Variants in RNF10 observed in about 807,000 individuals in gnomAD.
RNF10 encodes the protein ring finger protein 10, also known as E3 ubiquitin-protein ligase RNF10.
In RNF10, 38 loss-of-function variants were observed where a neutral mutation model predicts 91.4. The ratio of observed to expected loss-of-function variants is 0.42; its 90% confidence interval spans 0.32 to 0.54. The LOEUF is 0.54. Ranked by LOEUF, RNF10 falls within the 20% of genes least tolerant of loss-of-function variation. RNF10 has a pLI of 0.16. For missense variants in RNF10, 945 were observed against 1,012.0 expected, an observed-to-expected ratio of 0.93 and a Z score of 0.90; for synonymous variants, 364 against 366.3, an observed-to-expected ratio of 0.99 and a Z score of 0.07.
chr12:120,546,315 C>T, intron 1 of RNF10, 90 bp from the exon 2 acceptor site: 3 of 1,209,554 alleles, frequency 2.5e-6, no homozygotes, highest in Non-Finnish European at 3.5e-6. Flanking sequence ...AGGGCCTATT[C>T]ACCCTTATTT....
In RNF10 at chr12:120,534,815, C is replaced by T. The variant is rs1259628461; in HGVS notation, c.4C>T (p.Pro2Ser). Residue 2 changes from proline (P) to serine (S), a missense_variant, in exon 1 of 17, where the codon CCG (proline) becomes TCG (serine). Coordinates refer to ENST00000325954, the MANE Select transcript of RNF10 (RefSeq NM_014868.5). M[P>S]LSSPNAAATA... ...GTCGCCGCCGAGGCCCCCGTTGATG[C>T]CGCTGAGCTCCCCCAACGCCGCCGC... The T allele has an allele frequency of 1.9e-6, 3 of 1,578,200 alleles. No individual in the cohort carries two copies. The highest frequency in any genetic ancestry group is 1.8e-5 in the Admixed American group (1 of 55,140).
chr12:120,572,017 CG>C (rs1204643093), intron 14 of RNF10, among the ~76,000 whole-genome samples: 1 of 150,652 alleles, frequency 6.6e-6, no homozygotes, highest in Non-Finnish European at 1.5e-5. Context: ...GTAAGAAGTC[CG>C]TATAAACTTC....
At chr12:120,538,426 T>G (rs1173293295) in intron 1 of RNF10, among the ~76,000 whole-genome samples, 1 of 152,166 alleles carries the variant, frequency 6.6e-6, no homozygotes, top group African/African-American at 2.4e-5. Context: ...GCTACCAGGA[T>G]TTTCTTGATC....
chr12:120,561,287 T>TA (rs1192864585), intron 7 of RNF10, among the ~76,000 whole-genome samples: 1 of 152,220 alleles, frequency 6.6e-6, no homozygotes, highest in Non-Finnish European at 1.5e-5. Context: ...GAGAAAGTAT[T>TA]ATGGCCTGCC....
intron 14 of RNF10, chr12:120,575,076 T>TA (rs56774004): frequency 0.11 from 16,793 of 151,834 alleles, 957 homozygotes; most frequent in African/African-American, 0.12. Flanking sequence ...CCGTCTCTAC[T>TA]AAAAAAAAAA....
At chr12:120,575,291 A>AG (rs959479582) in intron 14 of RNF10, 1 of 277,674 alleles carries the variant, frequency 3.6e-6, no homozygotes, top group African/African-American at 2.2e-5. Context: ...CGATGTTTTT[A>AG]GGGGTCCCAG....
intron 1 of RNF10, among the ~76,000 whole-genome samples, chr12:120,542,829 A>G (rs556925002): frequency 2.6e-5 from 4 of 152,232 alleles, no homozygotes; most frequent in Non-Finnish European, 5.9e-5. Flanking sequence ...CTGGGATTAC[A>G]GGGAGCCACC....
At chr12:120,551,397 C>T (rs952229282) in intron 2 of RNF10, among the ~76,000 whole-genome samples, 13 of 139,354 alleles carry the variant, frequency 9.3e-5, no homozygotes, top group South Asian at 2.4e-4. Flanking sequence ...CGGGTTCAAG[C>T]GATTCTCCTG....
At chr12:120,562,228 T>A (rs1565962625) in intron 7 of RNF10, among the ~76,000 whole-genome samples, 1 of 151,592 alleles carries the variant, frequency 6.6e-6, no homozygotes, top group South Asian at 2.1e-4. Context: ...CACTTAGAAG[T>A]GAGAACATGT....
chr12:120,553,117 T>C (rs1474445962), intron 3 of RNF10, among the ~76,000 whole-genome samples: 3 of 119,074 alleles, frequency 2.5e-5, no homozygotes, highest in African/African-American at 6.5e-5. Context: ...GTAGTCTCGC[T>C]CTGCCACCCA....
At chr12:120,543,223 A>G (rs1170327522) in intron 1 of RNF10, among the ~76,000 whole-genome samples, 1 of 152,226 alleles carries the variant, frequency 6.6e-6, no homozygotes, top group Non-Finnish European at 1.5e-5. Flanking sequence ...ATAATATTAC[A>G]GGTCTGCAGA....
At chr12:120,565,922 A>G (rs143862424) in intron 12 of RNF10, among the ~76,000 whole-genome samples, 37 of 152,346 alleles carry the variant, frequency 2.4e-4, no homozygotes, top group Non-Finnish European at 4.6e-4. Context: ...TAAGATGGAA[A>G]TTTTGATAGA....
chr12:120,574,527 C>T (rs894062740), intron 14 of RNF10: 1 of 455,978 alleles, frequency 2.2e-6, no homozygotes, highest in African/African-American at 2.0e-5. Flanking sequence ...ATTGGAAAAG[C>T]AGACTAAAAG....
chr12:120,539,391 A>C (rs1182146026), intron 1 of RNF10: 2 of 1,288,612 alleles, frequency 1.6e-6, no homozygotes, highest in Admixed American at 4.6e-5. Flanking sequence ...AGCTGGATTC[A>C]ATTTGTTGTC....
At chr12:120,576,013 G>A (rs753614943) in intron 16 of RNF10, 63 bp downstream of exon 16, 13 of 1,545,542 alleles carry the variant, frequency 8.4e-6, no homozygotes, top group Non-Finnish European at 1.1e-5. Context: ...TGCCATTCCC[G>A]CCTGGATTCA....
In RNF10 at chr12:120,534,960, C is replaced by G. The variant is rs1870518514; in HGVS notation, c.149C>G (p.Pro50Arg). ...ASAGPAGESKPKSDGKNSSGS... is the reference protein window; with the variant it reads ...ASAGPAGESKRKSDGKNSSGS... ...GCGGGGCCAGCCGGCGAGTCTAAAC[C>G]CAAGAGCGGTAAGGACGGGCCTGCG... Residue 50 changes from proline (P) to arginine (R), a missense_variant, in exon 1 of 17, where the codon CCC becomes CGC. By Grantham distance (103) the Pro-to-Arg change is moderately radical. Coordinates refer to ENST00000325954, the MANE Select transcript of RNF10 (RefSeq NM_014868.5). The G allele has an allele frequency of 1.9e-6, 3 of 1,598,212 alleles. No individual in the cohort carries two copies. The highest frequency in any genetic ancestry group is 2.5e-6 in the Non-Finnish European group (3 of 1,178,488).
chr12:120,546,416 T>C lies in RNF10; in HGVS notation c.169T>C (p.Ser57Pro). Residue 57 changes from serine (S) to proline (P), a missense_variant, in exon 2 of 17, where the codon TCC becomes CCC. By Grantham distance (74) the Ser-to-Pro change is moderately conservative. Transcript: ENST00000325954. The stretch of plus-strand genomic sequence containing the variant: ...TTTCTTGCTTTCAGATGGAAAGAAC[T>C]CCAGTGGATCCAAGCGTTATAATCG... ...ESKPKSDGKN[S>P]SGSKRYNRKR... 6.2e-7 allele frequency: 1 copy of C among 1,609,388 alleles called. No homozygotes were observed. Among genetic ancestry groups the C allele is most frequent in the Non-Finnish European group, 8.5e-7 (1 of 1,178,274 alleles).
chr12:120,539,332 C>T (rs553818088), intron 1 of RNF10: 1 of 1,080,282 alleles, frequency 9.3e-7, no homozygotes, highest in East Asian at 5.8e-5. Context: ...GCATGTGCAT[C>T]ATTCCTGATA....
chr12:120,568,743 T>C (rs1358832882), intron 13 of RNF10, among the ~76,000 whole-genome samples: 1 of 152,054 alleles, frequency 6.6e-6, no homozygotes, highest in Non-Finnish European at 1.5e-5. Flanking sequence ...CCCAAAGTGC[T>C]GGGATTGCAG....
Sources: gnomAD v4.1 joint callset for allele counts (sites outside exome capture counted in the v4.1 genomes callset) on GRCh38, gnomAD v4.1.1 for gene constraint, MANE v1.5 for transcripts, NCBI Gene and HGNC (gene_info 2026-07-23, HGNC 2026-07-21) for gene names.